DBX2: variants seen among roughly 807,000 people sequenced by gnomAD.
DBX2 encodes the protein developing brain homeobox 2.
Under a neutral mutation model 17.7 loss-of-function variants are expected in DBX2, and 16 were observed. That is an observed-to-expected ratio of 0.90 (90% CI 0.61 to 1.37). DBX2 has a LOEUF of 1.37. Ranked by LOEUF, DBX2 falls within the 40% of genes most tolerant of loss-of-function variation. DBX2 has a pLI of 0.00. For missense variants in DBX2, 538 were observed against 433.8 expected (o/e 1.24, Z -2.13); for synonymous variants, 255 against 183.8 (o/e 1.39, Z -3.13).
chr12:45,019,274 C>T (rs760721061), intron 3 of DBX2, among the ~76,000 whole-genome samples: 13 of 151,920 alleles, frequency 8.6e-5, no homozygotes, highest in Non-Finnish European at 1.8e-4. Flanking sequence ...AGTATTGCTA[C>T]ATATCAATAA....
At chr12:45,017,564 C>T (rs910306847) in intron 3 of DBX2, among the ~76,000 whole-genome samples, 9 of 152,104 alleles carry the variant, frequency 5.9e-5, no homozygotes, top group African/African-American at 1.7e-4. Context: ...ATACAGTTTC[C>T]AAGTCTTGAT....
intron 2 of DBX2, among the ~76,000 whole-genome samples, chr12:45,034,855 C>T (rs903607448): frequency 6.6e-5 from 10 of 152,212 alleles, no homozygotes; most frequent in Admixed American, 5.2e-4. Context: ...GCAACTGACC[C>T]TTGCCCAAGC....
At chr12:45,030,667 T>G (rs143977606) in intron 2 of DBX2, among the ~76,000 whole-genome samples, 5 of 152,350 alleles carry the variant, frequency 3.3e-5, no homozygotes, top group African/African-American at 1.2e-4. Context: ...CAAGCCATGT[T>G]GTTTAAGGTT....
At chr12:45,046,340 A>G (rs1375907164) in intron 1 of DBX2, among the ~76,000 whole-genome samples, 5 of 152,286 alleles carry the variant, frequency 3.3e-5, no homozygotes, top group East Asian at 1.9e-4. Flanking sequence ...AAATTCCACC[A>G]AAGGATGACT....
At chr12:45,041,370 G>A (rs1946470469) in intron 1 of DBX2, among the ~76,000 whole-genome samples, 1 of 151,992 alleles carries the variant, frequency 6.6e-6, no homozygotes, top group Non-Finnish European at 1.5e-5. Flanking sequence ...CGACAGTCTA[G>A]GGTGGAGGGC....
rs377508330 is a variant in DBX2 at position 45,050,560 on chromosome 12, C to T, written c.368G>A (p.Gly123Glu). 3.9e-6 allele frequency: 6 copies of T among 1,552,616 alleles called. No homozygotes were observed. Among genetic ancestry groups the T allele is most frequent in the East Asian group, 2.4e-5 (1 of 41,084 alleles). Residue 123 changes from glycine to glutamate, a missense_variant, in exon 1 of 4, where the codon GGG (glycine) becomes GAG (glutamate). Gly to Glu is a moderately conservative substitution (Grantham distance 98). Transcript: ENST00000332700. ...AGGCTGGAAGGTACAGTCTCGGTCC[C>T]CCGGAGCCCGGCCCGGCAGCCTCGC... ...DSARLPGRAP[G>E]DRDCTFQPSA...
chr12:45,042,258 G>T (rs1426670983), intron 1 of DBX2, among the ~76,000 whole-genome samples: 1 of 152,108 alleles, frequency 6.6e-6, no homozygotes, highest in Admixed American at 6.6e-5. Flanking sequence ...GACTAAAACA[G>T]CACATAAAAA....
intron 3 of DBX2, among the ~76,000 whole-genome samples, chr12:45,022,148 C>T (rs1308770888): frequency 2.6e-5 from 4 of 152,050 alleles, no homozygotes; most frequent in Non-Finnish European, 4.4e-5. Context: ...CTCATTAGTA[C>T]CACACAGCGA....
At position 45,019,623 on chromosome 12, in the gene DBX2, A is replaced by G. The variant is rs556040292; in HGVS notation, c.688-3005T>C. ...AATCCCACTCACACTCTCTTACAAA[A>G]TATTTTTAAAGTGCATAAAAATTTG... On this transcript the variant is annotated intron_variant, in intron 3 of 3. Transcript: ENST00000332700. 3.4e-4 allele frequency among the ~76,000 whole-genome samples: 51 copies of G among 152,232 alleles called. 1 individual carries two copies. The South Asian group carries it at 4.3e-3, about 13-fold the overall frequency.
At position 45,016,438 on chromosome 12, in the gene DBX2, T is replaced by A; in HGVS notation, c.868A>T (p.Arg290Ter). 6.2e-7 allele frequency: 1 copy of A among 1,614,038 alleles called. No individual in the cohort carries two copies. The highest frequency in any genetic ancestry group is 1.1e-5 in the South Asian group (1 of 91,068). ...GGTTCTGGAGAATTCTCCCTCCATC[T>A]TGGACTTGAGTGCTGTTGGGGGACG... ...WDVPQQHSSP[R>*]WRENSPEPSE... The change falls in exon 4 of 4, where the codon AGA (arginine) becomes TGA (stop). Residue 290 changes from arginine (R) to a stop codon, truncating the protein, a stop_gained. Transcript: ENST00000332700. LOFTEE classifies it low-confidence loss of function (END_TRUNC).
intron 1 of DBX2, among the ~76,000 whole-genome samples, chr12:45,037,001 G>C (rs1331623836): frequency 1.3e-5 from 2 of 152,170 alleles, no homozygotes; most frequent in African/African-American, 2.4e-5. Flanking sequence ...GTATGAAAGA[G>C]AGACCCATTT....
intron 1 of DBX2, among the ~76,000 whole-genome samples, chr12:45,043,308 C>T (rs778586814): frequency 6.6e-6 from 1 of 152,224 alleles, no homozygotes; most frequent in African/African-American, 2.4e-5. Flanking sequence ...CACTCTGAAA[C>T]TTCTGCAACT....
chr12:45,036,755 T>C (rs1339225365), intron 1 of DBX2, among the ~76,000 whole-genome samples: 1 of 152,210 alleles, frequency 6.6e-6, no homozygotes. Flanking sequence ...TAACAGTAAA[T>C]TTACTGAGCA....
intron 2 of DBX2, among the ~76,000 whole-genome samples, chr12:45,029,903 T>TAAATAAATAAAA (rs1001000196): frequency 2.2e-5 from 3 of 136,382 alleles, no homozygotes; most frequent in African/African-American, 9.0e-5. Context: ...AATAAATAAA[T>TAAATAAATAAAA]AAATAAATAA....
intron 1 of DBX2, among the ~76,000 whole-genome samples, chr12:45,041,498 T>C (rs1017866476): frequency 1.3e-5 from 2 of 152,120 alleles, no homozygotes; most frequent in South Asian, 4.1e-4. Context: ...TGAAAGTAAT[T>C]TGTTTATGTG....
intron 1 of DBX2, among the ~76,000 whole-genome samples, chr12:45,044,678 T>C (rs926565896): frequency 6.6e-6 from 1 of 152,190 alleles, no homozygotes; most frequent in Non-Finnish European, 1.5e-5. Flanking sequence ...ATGCTTTGGT[T>C]CTAAAAGTCT....
intron 2 of DBX2, among the ~76,000 whole-genome samples, chr12:45,034,978 T>C (rs372947306): frequency 6.6e-6 from 1 of 152,226 alleles, no homozygotes; most frequent in African/African-American, 2.4e-5. Flanking sequence ...CTGTCACCCA[T>C]TGTGGCCAGG....
Position 45,050,965 on chromosome 12 carries a change from C to CGCCCGCCTTGA in DBX2, c.-39_-38insTCAAGGCGGGC, listed in dbSNP as rs1482140359. On this transcript the variant is annotated 5_prime_UTR_variant, in exon 1 of 4. Transcript: ENST00000332700. Reference sequence around the variant, plus strand: ...ACCGGTCTGCTGCGCGCCCGCCTTGCGCCCGCCTGTCGCCCGGGCGCCCCG... The same window carrying CGCCCGCCTTGA: ...ACCGGTCTGCTGCGCGCCCGCCTTGCGCCCGCCTTGAGCCCGCCTGTCGCCCGGGCGCCCCG... The CGCCCGCCTTGA allele has an allele frequency of 1.5e-6, 2 of 1,376,942 alleles. No homozygotes were observed. Among genetic ancestry groups the CGCCCGCCTTGA allele is most frequent in the Non-Finnish European group, 1.9e-6 (2 of 1,066,608 alleles). 85.3% of individuals were successfully genotyped at this position (1,376,942 alleles called of 1,614,324 possible). A position where few individuals can be genotyped will look rare whatever the true frequency, so the allele number is the denominator to read the frequency against.
At chr12:45,024,228 TCTC>T (rs1946368749) in intron 2 of DBX2, among the ~76,000 whole-genome samples, 1 of 152,182 alleles carries the variant, frequency 6.6e-6, no homozygotes, top group Non-Finnish European at 1.5e-5. Flanking sequence ...TTCTCATTCT[TCTC>T]CTTCCTGCTG....
Sources: gnomAD v4.1 joint callset for allele counts (sites outside exome capture counted in the v4.1 genomes callset) on GRCh38, gnomAD v4.1.1 for gene constraint, MANE v1.5 for transcripts, NCBI Gene and HGNC (gene_info 2026-07-23, HGNC 2026-07-21) for gene names.